DMXL1: variants seen among roughly 807,000 people sequenced by gnomAD.
The protein encoded by DMXL1 is dmX-like protein 1.
A neutral mutation model predicts 319.2 loss-of-function variants in DMXL1; 99 were observed. The observed-to-expected ratio is 0.31, with a 90% CI of 0.26 to 0.37. DMXL1 has a LOEUF of 0.37. Among genes scored for constraint, DMXL1 ranks in the 10% least tolerant of loss-of-function variants. DMXL1 has a pLI of 1.00. For synonymous variants in DMXL1, 1,385 were observed against 1,235.2 expected (o/e 1.12, Z -2.54); for missense variants, 3,745 against 3,595.6 (o/e 1.04, Z -1.06).
chr5:119,241,282 A>G (rs1001299855), intron 42 of DMXL1, among the ~76,000 whole-genome samples: 13 of 152,178 alleles, frequency 8.5e-5, no homozygotes, highest in African/African-American at 2.7e-4. Context: ...CTGTAATCCC[A>G]GCACTTTGGG....
chr5:119,175,298 C>T lies in DMXL1; in HGVS notation c.6719C>T (p.Ala2240Val). Reference protein sequence around the residue: ...VMHTLAASLSACIYQCLCGSH... With the variant: ...VMHTLAASLSVCIYQCLCGSH... Reference sequence around the variant, plus strand: ...CATACTTTAGCAGCTTCACTTTCTGCTTGTATTTATCAGTGCCTTTGTGGT... The same window carrying T: ...CATACTTTAGCAGCTTCACTTTCTGTTTGTATTTATCAGTGCCTTTGTGGT... The change falls in exon 26 of 44, where the codon GCT becomes GTT. Residue 2240 changes from alanine to valine, a missense_variant. By Grantham distance (64) the Ala-to-Val change is moderately conservative. Transcript: ENST00000539542. 6.2e-7 allele frequency: 1 copy of T among 1,611,492 alleles called. No individual in the cohort carries two copies. The highest frequency in any genetic ancestry group is 8.5e-7 in the Non-Finnish European group (1 of 1,178,802).
intron 9 of DMXL1, among the ~76,000 whole-genome samples, chr5:119,125,986 G>C (rs957161093): frequency 6.6e-6 from 1 of 152,100 alleles, no homozygotes; most frequent in Non-Finnish European, 1.5e-5. Context: ...AGAGTCAACT[G>C]TGTTAGACTA....
chr5:119,133,416 C>A, intron 11 of DMXL1, 31 bp downstream of exon 11: 1 of 1,596,986 alleles, frequency 6.3e-7, no homozygotes, highest in Non-Finnish European at 8.5e-7. Context: ...GAGCTACTTC[C>A]TTGTTTATGT....
chr5:119,126,299 T>C (rs925204216), intron 9 of DMXL1, among the ~76,000 whole-genome samples: 7 of 152,016 alleles, frequency 4.6e-5, no homozygotes, highest in Non-Finnish European at 1.0e-4. Flanking sequence ...TAAAATAAGG[T>C]AAAATAAAAT....
intron 13 of DMXL1, 84 bp downstream of exon 13, chr5:119,134,473 G>C: frequency 8.5e-7 from 1 of 1,173,890 alleles, no homozygotes. Context: ...TTCTACAATT[G>C]TGACCTATAA....
intron 32 of DMXL1, among the ~76,000 whole-genome samples, chr5:119,200,093 CA>C (rs1780424637): frequency 6.6e-6 from 1 of 152,102 alleles, no homozygotes; most frequent in Non-Finnish European, 1.5e-5. Flanking sequence ...TCCTATTTGT[CA>C]ATTTTTGCTT....
intron 9 of DMXL1, among the ~76,000 whole-genome samples, chr5:119,122,627 G>GAT (rs1255889829): frequency 6.6e-6 from 1 of 151,094 alleles, no homozygotes; most frequent in African/African-American, 2.4e-5. Flanking sequence ...CTTCTCAGAC[G>GAT]GGGCGGCCGG....
chr5:119,095,147 G>T (rs1487525887), intron 1 of DMXL1, among the ~76,000 whole-genome samples: 2 of 152,136 alleles, frequency 1.3e-5, no homozygotes, highest in Non-Finnish European at 2.9e-5. Flanking sequence ...GAGCCACCAT[G>T]CTCAGCCAAG....
chr5:119,080,958 C>T (rs1006723244), intron 1 of DMXL1, among the ~76,000 whole-genome samples: 3 of 152,152 alleles, frequency 2.0e-5, no homozygotes, highest in African/African-American at 7.2e-5. Flanking sequence ...CTAACTCATC[C>T]CTAAAGGCTT....
At chr5:119,245,897 T>TA (rs59524263) in intron 43 of DMXL1, among the ~76,000 whole-genome samples, 241 of 144,484 alleles carry the variant, frequency 1.7e-3, no homozygotes, top group Non-Finnish European at 2.6e-3. Context: ...TAATCAAGGT[T>TA]AAAAAAAAAA....
At chr5:119,186,644 T>A (rs932667972) in intron 28 of DMXL1, among the ~76,000 whole-genome samples, 1 of 152,194 alleles carries the variant, frequency 6.6e-6, no homozygotes, top group Admixed American at 6.5e-5. Context: ...TGGTAACAAG[T>A]CTAGCAGTAC....
chr5:119,115,788 A>G (rs761875754), intron 6 of DMXL1, among the ~76,000 whole-genome samples: 11 of 152,088 alleles, frequency 7.2e-5, no homozygotes, highest in Non-Finnish European at 1.0e-4. Flanking sequence ...CTTTTTTTCA[A>G]TAATTAGCAG....
rs188751904 is a variant in DMXL1 at position 119,224,415 on chromosome 5, A to G, written c.8278-294A>G. Among the ~76,000 whole-genome samples the G allele has an allele frequency of 6.6e-5, 10 of 152,152 alleles. No individual in the cohort carries two copies. The East Asian group carries it at 1.9e-3, about 29-fold the overall frequency. On this transcript the variant is annotated intron_variant, in intron 37 of 43. Transcript: ENST00000539542. ...TAAACTTACACTATTCAGGATTATTACTGAATAATAAATGTAATGGGATCA... is the reference window on the plus strand; with the variant it reads ...TAAACTTACACTATTCAGGATTATTGCTGAATAATAAATGTAATGGGATCA...
chr5:119,102,408 A>T (rs1389461299), intron 3 of DMXL1, among the ~76,000 whole-genome samples: 1 of 152,162 alleles, frequency 6.6e-6, no homozygotes, highest in Admixed American at 6.5e-5. Flanking sequence ...CATTATTTAG[A>T]TCATGTAATA....
chr5:119,214,250 C>A (rs1194978556), intron 34 of DMXL1, among the ~76,000 whole-genome samples: 1 of 152,136 alleles, frequency 6.6e-6, no homozygotes, highest in East Asian at 1.9e-4. Flanking sequence ...CTTTTTCTTT[C>A]CTTCTTTTAT....
At position 119,151,919 on chromosome 5, in the gene DMXL1, C is replaced by T. The variant is rs369756452; in HGVS notation, c.4595-10C>T. The stretch of plus-strand genomic sequence containing the variant: ...TTTTAATACATTGCTTCCCCTTTCT[C>T]CCATTGCAGGTGGAGAAACTCTTGA... On this transcript the variant is annotated splice_polypyrimidine_tract_variant and intron_variant, in intron 18 of 43. Coordinates refer to ENST00000539542, the MANE Select transcript of DMXL1 (RefSeq NM_001290321.3). 2 of 1,592,942 alleles carry T rather than the reference C, an allele frequency of 1.3e-6. No individual in the cohort carries two copies. The highest frequency in any genetic ancestry group is 3.4e-5 in the Admixed American group (2 of 59,700).
chr5:119,105,836 G>A (rs1392213332), intron 4 of DMXL1, among the ~76,000 whole-genome samples: 4 of 151,392 alleles, frequency 2.6e-5, no homozygotes, highest in Admixed American at 6.6e-5. Context: ...GGTGGAGGTT[G>A]CAGTGAGCTG....
At position 119,105,243 on chromosome 5, in the gene DMXL1, A is replaced by G. The variant is rs373036395; in HGVS notation, c.349A>G (p.Thr117Ala). The G allele has an allele frequency of 1.9e-6, 3 of 1,612,504 alleles. No homozygotes were observed. The African/African-American group carries it at 4.0e-5, about 22-fold the overall frequency. The change falls in exon 4 of 44, where the codon ACC becomes GCC. Residue 117 changes from threonine (T) to alanine (A), a missense_variant. Around this residue, in one of 4 missense-constraint regions of DMXL1, gnomAD observed 2,096 missense variants for 1,985.4 expected, o/e 1.06. Coordinates refer to ENST00000539542, the MANE Select transcript of DMXL1 (RefSeq NM_001290321.3). Reference protein sequence around the residue: ...FFLESIAHNITWDPTGSRLLT... With the variant: ...FFLESIAHNIAWDPTGSRLLT... Reference sequence around the variant, plus strand: ...TCTGGAATCAATAGCACACAATATAACCTGGGATCCCACAGGTAAGAAAAT... The same window carrying G: ...TCTGGAATCAATAGCACACAATATAGCCTGGGATCCCACAGGTAAGAAAAT...
intron 39 of DMXL1, among the ~76,000 whole-genome samples, chr5:119,234,353 A>G (rs1432593003): frequency 6.6e-6 from 1 of 152,120 alleles, no homozygotes; most frequent in Non-Finnish European, 1.5e-5. Flanking sequence ...TTTTGTCTTC[A>G]GGGCCATGCT....
Sources: allele counts gnomAD v4.1 joint callset (sites outside exome capture counted in the v4.1 genomes callset), GRCh38; gene constraint gnomAD v4.1.1; regional missense constraint gnomAD v4.1.1; transcripts MANE v1.5; gene names NCBI Gene and HGNC (gene_info 2026-07-23, HGNC 2026-07-21).